Variants in DOCK4 observed in about 807,000 individuals in gnomAD.
DOCK4 encodes the protein dedicator of cytokinesis protein 4.
Under a neutral mutation model 268.1 loss-of-function variants are expected in DOCK4, and 97 were observed. The observed-to-expected ratio is 0.36, with a 90% CI of 0.31 to 0.43. DOCK4 has a LOEUF of 0.43. Among genes scored for constraint, DOCK4 ranks in the 20% least tolerant of loss-of-function variants. The pLI is 1.00. For synonymous variants in DOCK4, 954 were observed against 887.2 expected, an observed-to-expected ratio of 1.08 and a Z score of -1.34; for missense variants, 2,145 against 2,455.7, an observed-to-expected ratio of 0.87 and a Z score of 2.67.
In DOCK4 at chr7:111,970,118, A is replaced by G. The variant is rs1797589866; in HGVS notation, c.701+7014T>C. ...CAAGTCCCTCCCACTCTAGTTTCCT[A>G]AAACTACAAACCCTCGACAGACCCC... On this transcript the variant is annotated intron_variant, in intron 8 of 52. Transcript: ENST00000428084. Among the ~76,000 whole-genome samples, 5 of 152,188 alleles carry G rather than the reference A, an allele frequency of 3.3e-5. No individual in the cohort carries two copies. In the South Asian group the frequency reaches 1.0e-3, roughly 32 times the overall value.
At chr7:111,844,002 T>C (rs73715276) in intron 25 of DOCK4, among the ~76,000 whole-genome samples, 7,795 of 152,236 alleles carry the variant, frequency 0.051, 649 homozygotes, top group African/African-American at 0.18. Context: ...AGGCTAGGCA[T>C]GGTGGTTCAC....
intron 12 of DOCK4, among the ~76,000 whole-genome samples, chr7:111,933,271 CATATATACATAT>C (rs1477876177): frequency 8.6e-6 from 1 of 115,844 alleles, no homozygotes; most frequent in Non-Finnish European, 1.8e-5. Context: ...TATATATATA[CATATATACATAT>C]ATATATATAT....
At chr7:111,779,079 A>G (rs1178493278) in intron 35 of DOCK4, among the ~76,000 whole-genome samples, 1 of 151,726 alleles carries the variant, frequency 6.6e-6, no homozygotes, top group Non-Finnish European at 1.5e-5. Context: ...AAATCTCTAA[A>G]AAAAAAAAAT....
chr7:112,141,818 G>A (rs1478291030), intron 1 of DOCK4, among the ~76,000 whole-genome samples: 5 of 152,152 alleles, frequency 3.3e-5, no homozygotes, highest in African/African-American at 1.2e-4. Context: ...ACATGAGAGT[G>A]TTTTGGAAAC....
intron 27 of DOCK4, among the ~76,000 whole-genome samples, chr7:111,817,830 C>T (rs1488008102): frequency 6.6e-6 from 1 of 152,188 alleles, no homozygotes; most frequent in Non-Finnish European, 1.5e-5. Flanking sequence ...TCTATGCTCC[C>T]TTTGACAGCA....
rs569925953 is a variant in DOCK4 at position 112,130,945 on chromosome 7, A to G, written c.37+75157T>C. Among the ~76,000 whole-genome samples, 9 of 152,324 alleles carry G rather than the reference A, an allele frequency of 5.9e-5. No individual in the cohort carries two copies. The South Asian group carries it at 1.7e-3, about 28-fold the overall frequency. On this transcript the variant is annotated intron_variant, in intron 1 of 52. Coordinates refer to ENST00000428084, the MANE Select transcript of DOCK4 (RefSeq NM_001363540.2). The stretch of plus-strand genomic sequence containing the variant: ...CATTACCTCAGTAAAAGTTACCAAA[A>G]ATAAATCCATTTGACTTCCAGTATT...
chr7:111,753,010 G>GC lies in DOCK4; in HGVS notation c.4416+2504_4416+2505insG, dbSNP rs1796785655. Among the ~76,000 whole-genome samples, 3 of 145,172 alleles carry GC rather than the reference G, an allele frequency of 2.1e-5. 1 individual carries two copies. ...AACAAAAGTTGATAAGCTATTGGGG[G>GC]GGGGGTCTGTGATTTAGAAAATAAA... On this transcript the variant is annotated intron_variant, in intron 42 of 52. Coordinates refer to ENST00000428084, the MANE Select transcript of DOCK4 (RefSeq NM_001363540.2).
At chr7:112,154,539 C>A (rs1332709585) in intron 1 of DOCK4, among the ~76,000 whole-genome samples, 1 of 152,152 alleles carries the variant, frequency 6.6e-6, no homozygotes, top group African/African-American at 2.4e-5. Flanking sequence ...TATTAGACAA[C>A]TTCCTTCCCC....
In DOCK4 at chr7:112,095,605, C is replaced by T. The variant is rs552281130; in HGVS notation, c.38-91474G>A. ...TGGTATCTTTTCTAATCCATGCATA[C>T]TAACTTGATATACTTGTATAAAGTT... is the stretch of plus-strand genomic sequence containing the variant. On this transcript the variant is annotated intron_variant, in intron 1 of 52. Transcript: ENST00000428084. Among the ~76,000 whole-genome samples the T allele has an allele frequency of 2.0e-5, 3 of 152,196 alleles. No homozygotes were observed. In the East Asian group the frequency reaches 5.8e-4, roughly 29 times the overall value.
In DOCK4 at chr7:111,825,085, T is replaced by C. The variant is rs761419004; in HGVS notation, c.2836-2629A>G. 4.5e-4 allele frequency among the ~76,000 whole-genome samples: 69 copies of C among 152,096 alleles called. 1 individual carries two copies. Among genetic ancestry groups the C allele is most frequent in the Admixed American group, 2.6e-4 (4 of 15,258 alleles). On this transcript the variant is annotated intron_variant, in intron 26 of 52. Coordinates refer to ENST00000428084, the MANE Select transcript of DOCK4 (RefSeq NM_001363540.2). ...TTTGTTTAACCTCTCTGGGAGTGAG[T>C]TCCCATACTTGTAAAATGTGGGGGC...
chr7:111,972,832 T>TA (rs1364104609), intron 8 of DOCK4, among the ~76,000 whole-genome samples: 75 of 152,130 alleles, frequency 4.9e-4, no homozygotes, highest in African/African-American at 1.8e-3. Context: ...ATTTTTTTTT[T>TA]AATTTTTTAC....
chr7:111,900,426 A>G lies in DOCK4; in HGVS notation c.1428T>C (p.Pro476=). 1 of 1,613,562 alleles carries G rather than the reference A, an allele frequency of 6.2e-7. No homozygotes were observed. ...TGTGTGCACCCCGGAATTTATCCAC[A>G]GGAATGGGAAGTTTCAGCAGTTCAG... is the stretch of plus-strand genomic sequence containing the variant. ...RWSELLKLPI[P]VDKFRGAHIR... Residue 476 remains proline (P), a synonymous_variant, in exon 15 of 53, where the codon CCT becomes CCC. Coordinates refer to ENST00000428084, the MANE Select transcript of DOCK4 (RefSeq NM_001363540.2).
At chr7:111,750,406 C>T (rs3801783) in intron 42 of DOCK4, among the ~76,000 whole-genome samples, 38,933 of 152,042 alleles carry the variant, frequency 0.26, 5,434 homozygotes, top group South Asian at 0.47. Flanking sequence ...AATAAATAAA[C>T]CAGAATCCAT....
chr7:111,846,948 T>C, intron 24 of DOCK4, 51 bp downstream of exon 24: 1 of 1,564,746 alleles, frequency 6.4e-7, no homozygotes, highest in Non-Finnish European at 8.7e-7. Context: ...ACAAGTTTAT[T>C]TCCAGAAGCC....
intron 32 of DOCK4, among the ~76,000 whole-genome samples, chr7:111,786,349 T>C (rs765403980): frequency 7.2e-5 from 11 of 152,074 alleles, no homozygotes; most frequent in Non-Finnish European, 1.5e-4. Flanking sequence ...GCCCAATAGA[T>C]AAAGCGGAAT....
chr7:111,936,530 AC>A (rs1794757333), intron 11 of DOCK4, among the ~76,000 whole-genome samples: 1 of 151,890 alleles, frequency 6.6e-6, no homozygotes, highest in African/African-American at 2.4e-5. Flanking sequence ...GGATGGATGG[AC>A]GGATGGATGG....
chr7:111,753,011 G>GC (rs1351099040), intron 42 of DOCK4, among the ~76,000 whole-genome samples: 1 of 144,514 alleles, frequency 6.9e-6, no homozygotes, highest in Non-Finnish European at 1.5e-5. Context: ...CTATTGGGGG[G>GC]GGGGTCTGTG....
chr7:112,124,916 G>A (rs962295566), intron 1 of DOCK4, among the ~76,000 whole-genome samples: 4 of 152,066 alleles, frequency 2.6e-5, no homozygotes, highest in African/African-American at 9.7e-5. Context: ...CATGTGCTAA[G>A]AACTAAATAA....
intron 8 of DOCK4, among the ~76,000 whole-genome samples, chr7:111,950,923 C>A (rs1367640426): frequency 6.6e-6 from 1 of 152,122 alleles, no homozygotes; most frequent in East Asian, 1.9e-4. Flanking sequence ...GCAAATAGAA[C>A]ATTTCTAGAA....
Sources: gnomAD v4.1 joint callset for allele counts (sites outside exome capture counted in the v4.1 genomes callset) on GRCh38, gnomAD v4.1.1 for gene constraint, MANE v1.5 for transcripts, NCBI Gene and HGNC (gene_info 2026-07-23, HGNC 2026-07-21) for gene names.